Variants in SOAT1 observed in about 807,000 individuals in gnomAD.
SOAT1 encodes the protein acyl-coenzyme A:cholesterol acyltransferase 1.
In SOAT1, 55 loss-of-function variants were observed where a neutral mutation model predicts 69.5. The ratio of observed to expected loss-of-function variants is 0.79; its 90% CI spans 0.64 to 0.99. SOAT1 has a LOEUF of 0.99. Ranked by LOEUF, SOAT1 falls within the 50% of genes least tolerant of loss-of-function variation. The pLI, the probability that SOAT1 is intolerant of heterozygous loss-of-function variation, is 0.00. For missense variants in SOAT1, 580 were observed against 669.3 expected (o/e 0.87, Z 1.47); for synonymous variants, 231 against 224.7 (o/e 1.03, Z -0.25).
At chr1:179,343,446 C>T (rs1180075008) in intron 9 of SOAT1, 144 bp from the exon 10 acceptor site, 8 of 585,504 alleles carry the variant, frequency 1.4e-5, no homozygotes, top group African/African-American at 5.7e-5. Flanking sequence ...AGGCTGGTCT[C>T]GAACTCCTGG....
chr1:179,353,754 C>G lies in SOAT1; in HGVS notation c.*113C>G. On this transcript the variant is annotated 3_prime_UTR_variant, in exon 16 of 16. Coordinates refer to ENST00000367619, the MANE Select transcript of SOAT1 (RefSeq NM_003101.6). ...TCTGTGTTATTTGGACCACTCCAGGCTTTACAGATGACTCACTCCATTCCT... is the reference window on the plus strand; with the variant it reads ...TCTGTGTTATTTGGACCACTCCAGGGTTTACAGATGACTCACTCCATTCCT... The G allele has an allele frequency of 1.1e-6, 1 of 881,392 alleles. No homozygotes were observed. The highest frequency in any genetic ancestry group is 1.7e-5 in the African/African-American group (1 of 59,356). 54.6% of individuals were successfully genotyped at this position (881,392 alleles called of 1,614,324 possible). A position where few individuals can be genotyped will look rare whatever the true frequency, so the allele number is the denominator to read the frequency against.
At chr1:179,338,186 C>G (rs1666221206) in intron 5 of SOAT1, among the ~76,000 whole-genome samples, 1 of 151,942 alleles carries the variant, frequency 6.6e-6, no homozygotes, top group South Asian at 2.1e-4. Context: ...TCCAGGAGTT[C>G]AAGACCAGTT....
At chr1:179,321,187 T>G (rs1325855779) in intron 2 of SOAT1, among the ~76,000 whole-genome samples, 2 of 152,098 alleles carry the variant, frequency 1.3e-5, no homozygotes, top group Non-Finnish European at 2.9e-5. Context: ...ATTACACACA[T>G]GAGCCACCAC....
rs1666914966 is a variant in SOAT1, at chr1:179,356,570, G to C, written c.*2929G>C. The C allele has an allele frequency of 6.8e-6, 1 of 146,768 alleles. No individual in the cohort carries two copies. The highest frequency in any genetic ancestry group is 2.5e-5 in the African/African-American group (1 of 39,770). The allele number at this position is 146,768 out of a possible 1,614,324, so 9.1% of individuals were successfully genotyped here. A position where few individuals can be genotyped will look rare whatever the true frequency, so the allele number is the denominator to read the frequency against. ...GGGTTTTACCATGTTGCTCAGGCTG[G>C]TCTCAAACTCCTGGAGTCAAGGGAT... On this transcript the variant is annotated 3_prime_UTR_variant, in exon 16 of 16. Transcript: ENST00000367619.
At chr1:179,341,871 G>C (rs1666351736) in intron 7 of SOAT1, 1 of 243,466 alleles carries the variant, frequency 4.1e-6, no homozygotes, top group East Asian at 1.8e-4. Context: ...TTTTGTTTCT[G>C]AATACTTTTT....
intron 13 of SOAT1, 55 bp downstream of exon 13, chr1:179,348,997 A>G: frequency 1.0e-6 from 1 of 953,140 alleles, no homozygotes; most frequent in South Asian, 1.3e-5. Context: ...TCTTTTTCAG[A>G]AAGTATGAGT....
At chr1:179,338,423 TA>T (rs1325995842) in intron 5 of SOAT1, among the ~76,000 whole-genome samples, 2 of 151,838 alleles carry the variant, frequency 1.3e-5, no homozygotes, top group African/African-American at 2.4e-5. Flanking sequence ...GCTGTCTCAA[TA>T]AAAAAAAGTG....
At chr1:179,318,461 C>T (rs545851656) in intron 2 of SOAT1, among the ~76,000 whole-genome samples, 9 of 152,178 alleles carry the variant, frequency 5.9e-5, no homozygotes, top group Admixed American at 3.3e-4. Context: ...AGAATACCGC[C>T]GTTAGTCAGG....
chr1:179,312,174 A>C (rs942158613), intron 2 of SOAT1, among the ~76,000 whole-genome samples: 3 of 152,192 alleles, frequency 2.0e-5, no homozygotes, highest in African/African-American at 7.2e-5. Flanking sequence ...GCATATTTTC[A>C]TTGCTGGCCT....
At chr1:179,343,764 A>C (rs985333897) in intron 10 of SOAT1, 129 bp downstream of exon 10, 10 of 673,788 alleles carry the variant, frequency 1.5e-5, no homozygotes, top group Non-Finnish European at 2.5e-5. Context: ...GCAGTCTTTT[A>C]AACTATTTCC....
intron 11 of SOAT1, among the ~76,000 whole-genome samples, 188 bp from the exon 12 acceptor site, chr1:179,347,411 GA>G (rs1258980687): frequency 4.0e-5 from 6 of 149,824 alleles, no homozygotes; most frequent in Non-Finnish European, 8.9e-5. Flanking sequence ...AACCCACTTT[GA>G]AGGAAGTTAC....
At chr1:179,324,324 G>T (rs1451437266) in intron 3 of SOAT1, among the ~76,000 whole-genome samples, 1 of 152,150 alleles carries the variant, frequency 6.6e-6, no homozygotes, top group Non-Finnish European at 1.5e-5. Flanking sequence ...AAGGCCAGGG[G>T]CATAGTATTT....
chr1:179,294,743 G>A (rs955597798), intron 1 of SOAT1, among the ~76,000 whole-genome samples: 36 of 152,104 alleles, frequency 2.4e-4, no homozygotes, highest in African/African-American at 8.4e-4. Context: ...TGTTGGACCA[G>A]GTTGGTCTCA....
chr1:179,354,076 GAATGTATGCT>G lies in SOAT1; in HGVS notation c.*439_*448del, dbSNP rs1666834966. On this transcript the variant is annotated 3_prime_UTR_variant, in exon 16 of 16. Transcript: ENST00000367619. The stretch of plus-strand genomic sequence containing the variant: ...AGAAATTTTTTCATGCACACTGTTG[GAATGTATGCT>G]AATTGAACATGCAATTGGGGAAGAA... 6.4e-6 allele frequency: 1 copy of G among 155,952 alleles called. No homozygotes were observed. Among genetic ancestry groups the G allele is most frequent in the Non-Finnish European group, 1.4e-5 (1 of 70,524 alleles). 9.7% of individuals were successfully genotyped at this position (155,952 alleles called of 1,614,324 possible). A position where few individuals can be genotyped will look rare whatever the true frequency, so the allele number is the denominator to read the frequency against.
At chr1:179,323,031 C>A (rs987937066) in intron 2 of SOAT1, among the ~76,000 whole-genome samples, 1 of 128,872 alleles carries the variant, frequency 7.8e-6, no homozygotes, top group Non-Finnish European at 1.6e-5. Flanking sequence ...GTTTCATTTT[C>A]TTTTCTTTTC....
At chr1:179,304,854 G>A (rs1664950654) in intron 2 of SOAT1, among the ~76,000 whole-genome samples, 4 of 152,018 alleles carry the variant, frequency 2.6e-5, no homozygotes, top group Non-Finnish European at 5.9e-5. Context: ...CAACATGTTG[G>A]CCAGGCTGGT....
chr1:179,312,393 G>A (rs1665249680), intron 2 of SOAT1, among the ~76,000 whole-genome samples: 1 of 152,130 alleles, frequency 6.6e-6, no homozygotes, highest in Non-Finnish European at 1.5e-5. Flanking sequence ...AAGAAAACTG[G>A]AAAACCAAAA....
At position 179,315,018 on chromosome 1, in the gene SOAT1, G is replaced by T. The variant is rs75338208; in HGVS notation, c.119-8419G>T. Among the ~76,000 whole-genome samples, 1,044 of 152,298 alleles carry T rather than the reference G, an allele frequency of 6.9e-3. 11 individuals carry two copies. Among genetic ancestry groups the T allele is most frequent in the African/African-American group, 0.023 (959 of 41,568 alleles). ...AAATAACTGACTCCTAGTGTTAGCA[G>T]TTAGTGTGTTACTAGAGGGAGGCAA... On this transcript the variant is annotated intron_variant, in intron 2 of 15. Coordinates refer to ENST00000367619, the MANE Select transcript of SOAT1 (RefSeq NM_003101.6).
At chr1:179,330,529 A>G (rs72715597) in intron 3 of SOAT1, among the ~76,000 whole-genome samples, 3,433 of 152,286 alleles carry the variant, frequency 0.023, 67 homozygotes, top group Middle Eastern at 0.051. Context: ...CTTTAGTCTT[A>G]CAAAGGTGGT....
Sources: gnomAD v4.1 joint callset for allele counts (sites outside exome capture counted in the v4.1 genomes callset) on GRCh38, gnomAD v4.1.1 for gene constraint, MANE v1.5 for transcripts, NCBI Gene and HGNC (gene_info 2026-07-23, HGNC 2026-07-21) for gene names.